ZNF704: variants seen among roughly 807,000 people sequenced by gnomAD.
ZNF704 encodes glucocorticoid induced gene 1.
Under a neutral mutation model 44.7 loss-of-function variants are expected in ZNF704, and 10 were observed. That is an observed-to-expected ratio of 0.22 (90% confidence interval 0.14 to 0.38). ZNF704 has a LOEUF of 0.38. ZNF704 is among the 10% of genes least tolerant of loss of function. The pLI is 1.00. For synonymous variants in ZNF704, 211 were observed against 207.6 expected (o/e 1.02, Z -0.14); for missense variants, 390 against 545.5 (o/e 0.71, Z 2.84).
intron 4 of ZNF704, among the ~76,000 whole-genome samples, chr8:80,681,722 CTCAA>C (rs1304310442): frequency 2.0e-5 from 3 of 152,194 alleles, no homozygotes; most frequent in Admixed American, 1.3e-4. Context: ...TCTGTGCTTC[CTCAA>C]TCAATGAATT....
At chr8:80,820,910 T>C (rs1175476675) in intron 2 of ZNF704, among the ~76,000 whole-genome samples, 1 of 150,666 alleles carries the variant, frequency 6.6e-6, no homozygotes, top group African/African-American at 2.4e-5. Context: ...TATCTCTATT[T>C]GGAAAAAAAA....
intron 2 of ZNF704, among the ~76,000 whole-genome samples, chr8:80,753,886 T>C (rs1806991160): frequency 6.6e-6 from 1 of 152,168 alleles, no homozygotes; most frequent in Admixed American, 6.5e-5. Flanking sequence ...GCAGACCCCA[T>C]GAGAGATGCT....
intron 1 of ZNF704, among the ~76,000 whole-genome samples, chr8:80,870,091 G>C (rs1284493461): frequency 6.6e-6 from 1 of 152,162 alleles, no homozygotes; most frequent in Non-Finnish European, 1.5e-5. Flanking sequence ...GTAGCACCCT[G>C]ATTGCAGCCT....
At chr8:80,696,089 T>A (rs1372346947) in intron 2 of ZNF704, among the ~76,000 whole-genome samples, 2 of 152,238 alleles carry the variant, frequency 1.3e-5, no homozygotes, top group Non-Finnish European at 2.9e-5. Flanking sequence ...TAAATTCAAA[T>A]CCTTATAATT....
At chr8:80,716,080 G>T (rs1417479733) in intron 2 of ZNF704, among the ~76,000 whole-genome samples, 1 of 127,494 alleles carries the variant, frequency 7.8e-6, no homozygotes, top group Non-Finnish European at 1.7e-5. Flanking sequence ...ACTCTGTCTC[G>T]AAAAAAAAAA....
intron 2 of ZNF704, among the ~76,000 whole-genome samples, chr8:80,785,516 T>C (rs1350389284): frequency 6.6e-6 from 1 of 150,990 alleles, no homozygotes; most frequent in African/African-American, 2.4e-5. Context: ...CATTTTTTCC[T>C]CTTTATTTAT....
rs1459362818 is a variant in ZNF704 at position 80,629,974 on chromosome 8, TTAA to T, written c.*11389_*11391del. 10 of 152,248 alleles carry T rather than the reference TTAA, an allele frequency of 6.6e-5. 1 individual carries two copies. The highest frequency in any genetic ancestry group is 6.2e-4 in the South Asian group (3 of 4,826). 9.4% of individuals were successfully genotyped at this position (152,248 alleles called of 1,614,324 possible). ...ATAAACCATTTCCCATTTATTCATC[TTAA>T]TGATGGAATTTTTTAGAGCCTGATG... On this transcript the variant is annotated 3_prime_UTR_variant, in exon 9 of 9. Transcript: ENST00000327835.
At chr8:80,699,477 T>C (rs1818775598) in intron 2 of ZNF704, among the ~76,000 whole-genome samples, 1 of 151,990 alleles carries the variant, frequency 6.6e-6, no homozygotes, top group South Asian at 2.1e-4. Flanking sequence ...TCGAACAAGA[T>C]GGAAAATTAG....
chr8:80,775,036 G>A (rs1267838406), intron 2 of ZNF704, among the ~76,000 whole-genome samples: 1 of 151,984 alleles, frequency 6.6e-6, no homozygotes, highest in Admixed American at 6.6e-5. Context: ...AGAGTTTTTA[G>A]TTTGACTTAG....
At chr8:80,850,105 T>C (rs998743270) in intron 1 of ZNF704, among the ~76,000 whole-genome samples, 2 of 152,234 alleles carry the variant, frequency 1.3e-5, no homozygotes, top group African/African-American at 4.8e-5. Context: ...ATATTTACTT[T>C]TCCTACATGT....
chr8:80,731,033 G>A (rs1421745158), intron 2 of ZNF704, among the ~76,000 whole-genome samples: 1 of 152,114 alleles, frequency 6.6e-6, no homozygotes, highest in Non-Finnish European at 1.5e-5. Context: ...AGAGATAATG[G>A]ATTAAACCCA....
intron 2 of ZNF704, among the ~76,000 whole-genome samples, chr8:80,720,902 C>T (rs900746832): frequency 6.6e-6 from 1 of 152,370 alleles, no homozygotes; most frequent in Non-Finnish European, 1.5e-5. Flanking sequence ...GGCAGCCTGC[C>T]ATGCCTGGGC....
intron 2 of ZNF704, among the ~76,000 whole-genome samples, chr8:80,713,688 G>C (rs1819028447): frequency 6.6e-6 from 1 of 152,172 alleles, no homozygotes; most frequent in African/African-American, 2.4e-5. Context: ...AGCTTCTTCA[G>C]CCACAGGTCA....
chr8:80,846,053 T>C (rs946405326), intron 1 of ZNF704, among the ~76,000 whole-genome samples: 2 of 152,208 alleles, frequency 1.3e-5, no homozygotes, highest in African/African-American at 2.4e-5. Context: ...ATTCAAGATT[T>C]TGAAGAACGA....
chr8:80,704,235 G>C (rs1049207373), intron 2 of ZNF704, among the ~76,000 whole-genome samples: 1 of 152,216 alleles, frequency 6.6e-6, no homozygotes, highest in Admixed American at 6.5e-5. Context: ...ACAGCTCAGG[G>C]AGGCATCTCG....
intron 1 of ZNF704, among the ~76,000 whole-genome samples, chr8:80,828,205 C>T (rs1808412209): frequency 6.6e-6 from 1 of 152,138 alleles, no homozygotes; most frequent in African/African-American, 2.4e-5. Flanking sequence ...AACAAAATCC[C>T]TTCTAAGGCC....
intron 2 of ZNF704, among the ~76,000 whole-genome samples, chr8:80,695,377 C>T (rs567646426): frequency 6.6e-6 from 1 of 152,350 alleles, no homozygotes; most frequent in East Asian, 1.9e-4. Flanking sequence ...GTTGACTTCT[C>T]TTTCCAACGG....
intron 2 of ZNF704, among the ~76,000 whole-genome samples, chr8:80,756,411 G>T (rs1586005119): frequency 6.6e-6 from 1 of 152,148 alleles, no homozygotes; most frequent in Non-Finnish European, 1.5e-5. Flanking sequence ...CCATGAGGAG[G>T]TATTGTTATC....
the ZNF704 span, among the ~76,000 whole-genome samples, chr8:80,883,198 A>G: frequency 6.7e-6 from 1 of 149,244 alleles, no homozygotes; most frequent in Admixed American, 6.7e-5. Flanking sequence ...GTCAGCTGAG[A>G]TCACGCCACT....
Sources: allele counts gnomAD v4.1 joint callset (sites outside exome capture counted in the v4.1 genomes callset), GRCh38; gene constraint gnomAD v4.1.1; transcripts MANE v1.5; gene names NCBI Gene and HGNC (gene_info 2026-07-23, HGNC 2026-07-21).